The following ROBO2 variants were observed in gnomAD, a reference collection of about 807,000 sequenced individuals.
The protein encoded by ROBO2 is roundabout homolog 2.
A neutral mutation model predicts 160.8 loss-of-function variants in ROBO2; 53 were observed. The observed-to-expected ratio is 0.33, with a 90% CI of 0.26 to 0.41. ROBO2 has a LOEUF of 0.41. ROBO2 is among the 10% of genes least tolerant of loss of function. The pLI is 1.00. For synonymous variants in ROBO2, 664 were observed against 611.7 expected (o/e 1.09, Z -1.26); for missense variants, 1,577 against 1,722.4 (o/e 0.92, Z 1.49).
intron 21 of ROBO2, among the ~76,000 whole-genome samples, chr3:77,609,800 A>T (rs1362840660): frequency 6.8e-6 from 1 of 147,806 alleles, no homozygotes; most frequent in Admixed American, 6.8e-5. Flanking sequence ...ACATATATAT[A>T]TATATATATA....
At chr3:77,636,025 C>T (rs1246309807) in intron 24 of ROBO2, among the ~76,000 whole-genome samples, 2 of 152,076 alleles carry the variant, frequency 1.3e-5, no homozygotes, top group Non-Finnish European at 2.9e-5. Context: ...ACAAGGTTCT[C>T]TCTGGGGTGT....
At chr3:76,599,559 A>G (rs899633437) in intron 2 of ROBO2, among the ~76,000 whole-genome samples, 12 of 152,196 alleles carry the variant, frequency 7.9e-5, no homozygotes, top group African/African-American at 2.9e-4. Context: ...CTTTGGGTAT[A>G]TACCCAATAA....
chr3:77,627,846 A>G (rs181907959), intron 23 of ROBO2, among the ~76,000 whole-genome samples: 130 of 152,352 alleles, frequency 8.5e-4, no homozygotes, highest in Middle Eastern at 6.8e-3. Context: ...AACAATTAGC[A>G]GGGTCATCTT....
intron 2 of ROBO2, among the ~76,000 whole-genome samples, chr3:77,173,649 T>C (rs2079852678): frequency 6.6e-6 from 1 of 152,114 alleles, no homozygotes; most frequent in African/African-American, 2.4e-5. Context: ...AGAAGACATA[T>C]GTGTGTTGTA....
chr3:76,449,619 T>C (rs1168272442), intron 2 of ROBO2, among the ~76,000 whole-genome samples: 4 of 152,176 alleles, frequency 2.6e-5, no homozygotes, highest in Admixed American at 6.6e-5. Context: ...GCAGTTAGAA[T>C]TGTATACATA....
intron 2 of ROBO2, among the ~76,000 whole-genome samples, chr3:76,006,325 G>A (rs1320837026): frequency 6.6e-6 from 1 of 152,092 alleles, no homozygotes; most frequent in Non-Finnish European, 1.5e-5. Context: ...TGAAATATTG[G>A]TTTAAATTCT....
rs1430815239 is a variant in ROBO2, at chr3:77,186,814, G to A, written c.388+88474G>A. On this transcript the variant is annotated intron_variant, in intron 2 of 25. Coordinates refer to ENST00000461745, the Ensembl canonical transcript of ROBO2. ...TTGTTTTTTAATGTTTGTCCTGACT[G>A]ATTAGCTAATTTTAAAAATGCTTTA... Among the ~76,000 whole-genome samples the A allele has an allele frequency of 3.3e-5, 5 of 151,852 alleles. No individual in the cohort carries two copies. The East Asian group carries it at 7.7e-4, about 23-fold the overall frequency.
chr3:77,502,416 T>G (rs2153608326), intron 5 of ROBO2, among the ~76,000 whole-genome samples: 1 of 152,350 alleles, frequency 6.6e-6, no homozygotes, highest in East Asian at 1.9e-4. Context: ...TCTTTTCCTT[T>G]AAAATCATTA....
intron 2 of ROBO2, among the ~76,000 whole-genome samples, chr3:75,964,249 C>A (rs1949027075): frequency 6.6e-6 from 1 of 151,746 alleles, no homozygotes; most frequent in Non-Finnish European, 1.5e-5. Context: ...AATTCTCTGC[C>A]TGCATTAGAA....
At chr3:76,333,737 T>C (rs1449637570) in intron 2 of ROBO2, among the ~76,000 whole-genome samples, 1 of 152,130 alleles carries the variant, frequency 6.6e-6, no homozygotes, top group Non-Finnish European at 1.5e-5. Context: ...CACATTTTCT[T>C]AATCCAGTCT....
At chr3:76,065,213 C>CA (rs150480038) in intron 2 of ROBO2, among the ~76,000 whole-genome samples, 3,126 of 152,106 alleles carry the variant, frequency 0.021, 45 homozygotes, top group East Asian at 0.08. Flanking sequence ...GATTTCCTCC[C>CA]AAAAATGCTT....
intron 23 of ROBO2, among the ~76,000 whole-genome samples, chr3:77,628,337 T>C (rs748950365): frequency 4.6e-5 from 7 of 152,162 alleles, no homozygotes; most frequent in Non-Finnish European, 8.8e-5. Context: ...TTTATACTTA[T>C]GTTTGTGAAA....
At chr3:76,509,827 A>C (rs1412545622) in intron 2 of ROBO2, among the ~76,000 whole-genome samples, 1 of 152,182 alleles carries the variant, frequency 6.6e-6, no homozygotes, top group Admixed American at 6.5e-5. Context: ...AAAATTCAAA[A>C]TTTGAAATGC....
intron 2 of ROBO2, among the ~76,000 whole-genome samples, chr3:76,638,878 A>G (rs2090480974): frequency 6.6e-6 from 1 of 152,162 alleles, no homozygotes; most frequent in African/African-American, 2.4e-5. Context: ...TTTTCTTTAG[A>G]CTTGAAAGTA....
intron 2 of ROBO2, among the ~76,000 whole-genome samples, chr3:77,468,542 A>T (rs2083020222): frequency 6.6e-6 from 1 of 152,246 alleles, no homozygotes; most frequent in Non-Finnish European, 1.5e-5. Context: ...TGGCACTCTT[A>T]GCAGGACTTC....
rs368013849 is a variant in ROBO2, at chr3:76,512,900, T to C, written c.109+575298T>C. 2.5e-4 allele frequency among the ~76,000 whole-genome samples: 38 copies of C among 152,292 alleles called. No individual in the cohort carries two copies. The East Asian group carries it at 4.6e-3, about 19-fold the overall frequency. ...TAAGGGATCCTCAACCCGTATGTGC[T>C]AACCTCATTTCGCGGGCTGGGATAA... On this transcript the variant is annotated intron_variant, in intron 2 of 26. Transcript: ENST00000487694.
At chr3:77,603,309 A>G (rs779593812) in intron 20 of ROBO2, among the ~76,000 whole-genome samples, 38 of 152,212 alleles carry the variant, frequency 2.5e-4, no homozygotes, top group Non-Finnish European at 5.6e-4. Flanking sequence ...ACTAAATACT[A>G]TTCATTAAAG....
chr3:76,639,319 G>A (rs1229999644), intron 2 of ROBO2, among the ~76,000 whole-genome samples: 3 of 148,024 alleles, frequency 2.0e-5, no homozygotes. Flanking sequence ...TATCTATATG[G>A]ACATGTATAT....
chr3:76,888,339 G>A (rs1484722556), intron 2 of ROBO2, among the ~76,000 whole-genome samples: 1 of 152,104 alleles, frequency 6.6e-6, no homozygotes, highest in Non-Finnish European at 1.5e-5. Flanking sequence ...CTGCACTCCA[G>A]CCTGGGTGAC....
Sources: gnomAD v4.1 joint callset for allele counts (sites outside exome capture counted in the v4.1 genomes callset) on GRCh38, gnomAD v4.1.1 for gene constraint, MANE v1.5 for transcripts, NCBI Gene and HGNC (gene_info 2026-07-23, HGNC 2026-07-21) for gene names.